Variants in IMMP2L observed in about 807,000 individuals in gnomAD.
IMMP2L encodes the protein mitochondrial inner membrane protease subunit 2.
A neutral mutation model predicts 19.3 loss-of-function variants in IMMP2L; 18 were observed. The observed-to-expected ratio is 0.93, with a 90% CI of 0.64 to 1.38. The LOEUF is 1.38. Ranked by LOEUF, IMMP2L falls within the 40% of genes most tolerant of loss-of-function variation. The probability of loss-of-function intolerance (pLI) is 0.00; values close to 1 mark genes in which losing one functional copy is unlikely to be tolerated. For missense variants in IMMP2L, 233 were observed against 218.2 expected (o/e 1.07, Z -0.43); for synonymous variants, 76 against 73.0 (o/e 1.04, Z -0.21).
intron 3 of IMMP2L, among the ~76,000 whole-genome samples, chr7:111,328,610 G>A (rs916035978): frequency 3.3e-5 from 5 of 151,814 alleles, no homozygotes; most frequent in Admixed American, 6.6e-5. Flanking sequence ...GGTGTGTTAC[G>A]TCTTAGAGTA....
At chr7:111,160,048 G>A (rs928636817) in intron 3 of IMMP2L, among the ~76,000 whole-genome samples, 6 of 151,978 alleles carry the variant, frequency 3.9e-5, no homozygotes, top group African/African-American at 1.2e-4. Flanking sequence ...GGGTATTTTA[G>A]TACTAGTTTT....
Position 110,746,976 on chromosome 7 carries a change from G to A in IMMP2L, c.409-83255C>T, listed in dbSNP as rs1329798394. Among the ~76,000 whole-genome samples the A allele has an allele frequency of 2.0e-5, 3 of 152,032 alleles. No individual in the cohort carries two copies. In the East Asian group the frequency reaches 5.8e-4, roughly 29 times the overall value. ...CAGTGAATCCAGGAGGTAGTTTTTT[G>A]AAAAGATCAACAAAATTGATAGACC... is the stretch of plus-strand genomic sequence containing the variant. On this transcript the variant is annotated intron_variant, in intron 5 of 5. Transcript: ENST00000405709.
chr7:111,357,569 G>A (rs1828841985), intron 3 of IMMP2L, among the ~76,000 whole-genome samples: 1 of 152,062 alleles, frequency 6.6e-6, no homozygotes, highest in Non-Finnish European at 1.5e-5. Flanking sequence ...ACTTAGAACA[G>A]TGTCACCTGA....
rs552592204 is a variant in IMMP2L, at chr7:111,404,742, G to A, written c.239+82496C>T. Among the ~76,000 whole-genome samples, 134 of 152,108 alleles carry A rather than the reference G, an allele frequency of 8.8e-4. 1 individual carries two copies. Among genetic ancestry groups the A allele is most frequent in the Middle Eastern group, 3.4e-3 (1 of 294 alleles). ...TTGTCAAAGACAATAATATCAAGCA[G>A]TAGCCCACAATTCCCTAAAGGAATG... On this transcript the variant is annotated intron_variant, in intron 3 of 5. Transcript: ENST00000405709.
At position 111,123,599 on chromosome 7, in the gene IMMP2L, G is replaced by A. The variant is rs560644522; in HGVS notation, c.240-160034C>T. Reference sequence around the variant, plus strand: ...AATAAAAATCCTATTAATAGAATACGAAGGGGTGATTTTAGCAATATGCTA... The same window carrying A: ...AATAAAAATCCTATTAATAGAATACAAAGGGGTGATTTTAGCAATATGCTA... On this transcript the variant is annotated intron_variant, in intron 3 of 5. Transcript: ENST00000405709. The surrounding 1 kb of genome is among the most constrained non-coding windows in gnomAD (Gnocchi z 6.4). 1.1e-4 allele frequency: 174 copies of A among 1,613,138 alleles called. No individual in the cohort carries two copies. Among genetic ancestry groups the A allele is most frequent in the Non-Finnish European group, 1.4e-4 (164 of 1,179,388 alleles).
At chr7:111,158,277 T>C (rs1032796657) in intron 3 of IMMP2L, among the ~76,000 whole-genome samples, 2 of 152,046 alleles carry the variant, frequency 1.3e-5, no homozygotes, top group East Asian at 1.9e-4. Flanking sequence ...TAGGTAGATA[T>C]AGGTAGATAG....
chr7:111,114,133 T>TACACAC (rs71151831), intron 3 of IMMP2L, among the ~76,000 whole-genome samples: 381 of 146,660 alleles, frequency 2.6e-3, no homozygotes, highest in African/African-American at 5.9e-3. Flanking sequence ...CACATAAATC[T>TACACAC]ACACACACAC....
In IMMP2L at chr7:111,429,833, T is replaced by C. The variant is rs375362253; in HGVS notation, c.239+57405A>G. On this transcript the variant is annotated intron_variant, in intron 3 of 5. Transcript: ENST00000405709. ...GGCAAAATAATTTCACTAGTTTGTT[T>C]ATTGGACATATTGGCCTGTACTTTC... 6.1e-4 allele frequency among the ~76,000 whole-genome samples: 92 copies of C among 152,038 alleles called. 6 individuals carry two copies. The highest frequency in any genetic ancestry group is 2.1e-3 in the African/African-American group (86 of 41,314).
At chr7:111,292,370 T>A (rs77162168) in intron 3 of IMMP2L, among the ~76,000 whole-genome samples, 1 of 152,096 alleles carries the variant, frequency 6.6e-6, no homozygotes, top group African/African-American at 2.4e-5. Context: ...AGCCTCTTAA[T>A]GTTATCCTCT....
chr7:111,556,015 C>CATATATATATATATATATATATAT (rs1491205083), intron 1 of IMMP2L, among the ~76,000 whole-genome samples: 1 of 13,314 alleles, frequency 7.5e-5, no homozygotes, highest in African/African-American at 1.1e-4. Context: ...CTTCTGTGTG[C>CATATATATATATATATATATATAT]ATGTATATAT....
intron 3 of IMMP2L, among the ~76,000 whole-genome samples, chr7:111,126,262 T>C (rs144474500): frequency 1.3e-5 from 2 of 152,206 alleles, no homozygotes; most frequent in Non-Finnish European, 2.9e-5. Flanking sequence ...TAATTTACTA[T>C]ATTGAAACAT....
chr7:111,295,317 C>A (rs1405656486), intron 3 of IMMP2L, among the ~76,000 whole-genome samples: 3 of 151,776 alleles, frequency 2.0e-5, no homozygotes. Flanking sequence ...ACAAGGACCA[C>A]AGATAAGAAC....
chr7:111,202,966 C>G (rs1249692610), intron 3 of IMMP2L, among the ~76,000 whole-genome samples: 1 of 152,032 alleles, frequency 6.6e-6, no homozygotes, highest in Admixed American at 6.5e-5. Flanking sequence ...ATCTCTTGCC[C>G]TAAACTATAA....
chr7:111,093,795 T>C (rs1797114535), intron 3 of IMMP2L, among the ~76,000 whole-genome samples: 1 of 152,134 alleles, frequency 6.6e-6, no homozygotes, highest in Non-Finnish European at 1.5e-5. Context: ...GACTGGAAGA[T>C]TTACCCATAG....
intron 3 of IMMP2L, among the ~76,000 whole-genome samples, chr7:111,298,540 A>G (rs913270367): frequency 1.1e-4 from 16 of 152,118 alleles, no homozygotes; most frequent in Admixed American, 3.3e-4. Context: ...ACCTAAGGTC[A>G]GGAGTTCAAG....
intron 4 of IMMP2L, among the ~76,000 whole-genome samples, chr7:110,922,516 T>A (rs1814401682): frequency 1.3e-5 from 2 of 152,200 alleles, no homozygotes; most frequent in Admixed American, 1.3e-4. Flanking sequence ...TGTTTGGAAC[T>A]ATCTAAATCC....
chr7:110,768,298 G>T (rs1032356961), intron 5 of IMMP2L, among the ~76,000 whole-genome samples: 6 of 78,974 alleles, frequency 7.6e-5, no homozygotes, highest in Admixed American at 1.3e-4. Context: ...GAAGGGAAAA[G>T]AAAAGAAAGG....
chr7:111,203,875 T>G (rs1810424502), intron 3 of IMMP2L, among the ~76,000 whole-genome samples: 1 of 152,170 alleles, frequency 6.6e-6, no homozygotes, highest in Non-Finnish European at 1.5e-5. Context: ...GGAAACAATT[T>G]CCATGTCTCA....
At chr7:111,462,476 T>A (rs1044310173) in intron 3 of IMMP2L, among the ~76,000 whole-genome samples, 1 of 152,152 alleles carries the variant, frequency 6.6e-6, no homozygotes, top group Admixed American at 6.6e-5. Context: ...TATTAAAACT[T>A]GGAAAATATA....
Sources: allele counts gnomAD v4.1 joint callset (sites outside exome capture counted in the v4.1 genomes callset), GRCh38; gene constraint gnomAD v4.1.1; non-coding constraint Gnocchi (gnomAD v3.1); transcripts MANE v1.5; gene names NCBI Gene and HGNC (gene_info 2026-07-23, HGNC 2026-07-21).